DMD: variants seen among roughly 807,000 people sequenced by gnomAD.
The protein encoded by DMD is dystrophin, also known as mutant dystrophin.
Under a neutral mutation model 330.1 loss-of-function variants are expected in DMD, and 63 were observed. That is an observed-to-expected ratio of 0.19 (90% CI 0.16 to 0.24). The LOEUF is 0.24. Ranked by LOEUF, DMD falls within the 10% of genes least tolerant of loss-of-function variation. DMD has a pLI of 1.00. For synonymous variants in DMD, 1,223 were observed against 959.8 expected, an observed-to-expected ratio of 1.27 and a Z score of -5.07; for missense variants, 3,344 against 2,684.1, an observed-to-expected ratio of 1.25 and a Z score of -5.43.
At chrX:32,141,435 CAAAACAAAAACAAAAACAAAAACA>C (rs201726305) in intron 44 of DMD, among the ~76,000 whole-genome samples, 1 of 96,117 alleles carries the variant, frequency 1.0e-5, no homozygotes, top group Non-Finnish European at 2.1e-5. Context: ...GACTCCGTCT[CAAAACAAAAACAAAAACAAAAACA>C]AAAACAAAAA....
In DMD at chrX:31,373,892, A is replaced by C. The variant is rs189522738; in HGVS notation, c.9085-25258T>G. On this transcript the variant is annotated intron_variant, in intron 60 of 78. Coordinates refer to ENST00000357033, the MANE Select transcript of DMD (RefSeq NM_004006.3). ...ATCAGAGTGAACAGGCAACCTACAA[A>C]ATGGGAGAAAAATTTTCGCAACCTG... Among the ~76,000 whole-genome samples the C allele has an allele frequency of 7.7e-3, 844 of 109,619 alleles. 4 individuals are homozygous for C. The highest frequency in any genetic ancestry group is 0.021 in the African/African-American group (629 of 29,848).
chrX:31,157,653 C>T (rs1363121160), intron 74 of DMD, among the ~76,000 whole-genome samples: 1 of 111,361 alleles, frequency 9.0e-6, no homozygotes, highest in Non-Finnish European at 1.9e-5. Context: ...GCTTCAATCC[C>T]TCATGCGTAG....
intron 1 of DMD, among the ~76,000 whole-genome samples, chrX:33,106,082 A>ACC (rs2095285568): frequency 9.1e-6 from 1 of 110,134 alleles, no homozygotes; most frequent in Admixed American, 9.8e-5. Context: ...ACACACACAC[A>ACC]CCATAGAATA....
At chrX:33,066,728 G>T (rs1288351778) in intron 1 of DMD, among the ~76,000 whole-genome samples, 1 of 111,106 alleles carries the variant, frequency 9.0e-6, no homozygotes, top group Non-Finnish European at 1.9e-5. Flanking sequence ...TGCACATAAA[G>T]CATGCATAAG....
intron 7 of DMD, among the ~76,000 whole-genome samples, chrX:32,772,660 G>A (rs1273536359): frequency 9.0e-6 from 1 of 111,086 alleles, no homozygotes; most frequent in African/African-American, 3.3e-5. Flanking sequence ...AATATTCTGA[G>A]TTGATCATTT....
intron 9 of DMD, among the ~76,000 whole-genome samples, chrX:32,689,936 G>A (rs1020266712): frequency 9.1e-6 from 1 of 110,458 alleles, no homozygotes; most frequent in Non-Finnish European, 1.9e-5. Flanking sequence ...TAAAAAGATC[G>A]CAGGTCATAT....
At chrX:32,302,167 A>G (rs1388134580) in intron 42 of DMD, among the ~76,000 whole-genome samples, 1 of 111,265 alleles carries the variant, frequency 9.0e-6, no homozygotes, top group Non-Finnish European at 1.9e-5. Context: ...ATTCATTCGA[A>G]ACCATACTTC....
At chrX:31,935,839 A>C (rs2094917101) in intron 45 of DMD, among the ~76,000 whole-genome samples, 1 of 111,598 alleles carries the variant, frequency 9.0e-6, no homozygotes, top group Admixed American at 9.6e-5. Context: ...AACCAAAAAA[A>C]TAATAATAAC....
chrX:31,468,193 C>G (rs1313840902), intron 59 of DMD, among the ~76,000 whole-genome samples: 1 of 111,728 alleles, frequency 9.0e-6, no homozygotes, highest in African/African-American at 3.3e-5. Flanking sequence ...GTAGTTATTT[C>G]TTCTCTTCTG....
Position 32,629,497 on chromosome X carries a change from T to G in DMD, c.1331+14635A>C, listed in dbSNP as rs1199125634. On this transcript the variant is annotated intron_variant, in intron 11 of 78. Transcript: ENST00000357033. ...TGTCACTCAATGTATTTAGATTGGA[T>G]AGTTTAGTCAATTTACATTCCATGT... Among the ~76,000 whole-genome samples, 3 of 111,563 alleles carry G rather than the reference T, an allele frequency of 2.7e-5. No individual in the cohort carries two copies. In the Admixed American group the frequency reaches 2.9e-4, roughly 11 times the overall value.
intron 50 of DMD, among the ~76,000 whole-genome samples, chrX:31,807,403 T>C (rs1832707166): frequency 9.0e-6 from 1 of 111,596 alleles, no homozygotes; most frequent in Non-Finnish European, 1.9e-5. Flanking sequence ...GTAATTCTGC[T>C]GCTGTACTGG....
chrX:32,312,716 G>C (rs1049852902), intron 41 of DMD, among the ~76,000 whole-genome samples: 1 of 107,511 alleles, frequency 9.3e-6, no homozygotes, highest in Non-Finnish European at 1.9e-5. Flanking sequence ...GAATCAAAGA[G>C]GCACAATAAA....
At chrX:33,207,176 G>A (rs995377705) in intron 1 of DMD, among the ~76,000 whole-genome samples, 10 of 111,251 alleles carry the variant, frequency 9.0e-5, no homozygotes, top group African/African-American at 2.6e-4. Context: ...CCCTTAAAAC[G>A]CTGGAGCCAA....
intron 45 of DMD, 63 bp downstream of exon 45, chrX:31,968,276 T>C (rs2095368609): frequency 7.8e-6 from 9 of 1,156,153 alleles, no homozygotes; most frequent in Non-Finnish European, 1.1e-5. Flanking sequence ...TGAAATATTC[T>C]TCTAAAGAAA....
chrX:32,393,129 C>T (rs2098015975), intron 30 of DMD, among the ~76,000 whole-genome samples: 1 of 112,013 alleles, frequency 8.9e-6, no homozygotes, highest in African/African-American at 3.2e-5. Context: ...TATTACTGCC[C>T]TTGGATTCTA....
chrX:32,738,501 A>G (rs1457920303), intron 7 of DMD, among the ~76,000 whole-genome samples: 1 of 111,833 alleles, frequency 8.9e-6, no homozygotes, highest in African/African-American at 3.2e-5. Flanking sequence ...TAAGGCTTAA[A>G]TAAGAAACTC....
chrX:32,394,902 A>AAAAAACAAAAAC (rs1300690286), intron 30 of DMD, among the ~76,000 whole-genome samples: 6 of 42,610 alleles, frequency 1.4e-4, no homozygotes, highest in African/African-American at 4.7e-4. Flanking sequence ...AAAGAAGAGC[A>AAAAAACAAAAAC]AAAAACAAAA....
intron 1 of DMD, among the ~76,000 whole-genome samples, chrX:33,139,013 C>T (rs1306281943): frequency 9.0e-6 from 1 of 111,448 alleles, no homozygotes; most frequent in Non-Finnish European, 1.9e-5. Context: ...CTCCTTCACA[C>T]ATAAAACCAG....
intron 2 of DMD, among the ~76,000 whole-genome samples, chrX:32,999,451 G>T (rs1026944707): frequency 9.0e-6 from 1 of 111,680 alleles, no homozygotes; most frequent in Admixed American, 9.5e-5. Context: ...GTACTTACAT[G>T]ATTATGTAGG....
Sources: gnomAD v4.1 joint callset for allele counts (sites outside exome capture counted in the v4.1 genomes callset) on GRCh38, gnomAD v4.1.1 for gene constraint, MANE v1.5 for transcripts, NCBI Gene and HGNC (gene_info 2026-07-23, HGNC 2026-07-21) for gene names.